The following OR5V1 variants were observed in gnomAD, a reference collection of about 807,000 sequenced individuals.
The protein encoded by OR5V1 is olfactory receptor 5V1.
For missense variants in OR5V1, 365 were observed against 371.5 expected, an observed-to-expected ratio of 0.98 and a Z score of 0.14; for synonymous variants, 134 against 143.2, an observed-to-expected ratio of 0.94 and a Z score of 0.46.
chr6:29,368,322 GTC>G (rs939773377), intron 1 of OR5V1, among the ~76,000 whole-genome samples: 8 of 152,114 alleles, frequency 5.3e-5, no homozygotes, highest in African/African-American at 1.9e-4. Flanking sequence ...TGGCATTTTA[GTC>G]TCTTTTTGCA....
chr6:29,366,131 C>T (rs1280091902), intron 1 of OR5V1, among the ~76,000 whole-genome samples: 1 of 151,916 alleles, frequency 6.6e-6, no homozygotes, highest in African/African-American at 2.4e-5. Context: ...AGGGAGGGAA[C>T]CTCACACACT....
At chr6:29,356,356 C>T (rs1373061235) in intron 1 of OR5V1, 79 bp from the exon 2 acceptor site, 2 of 717,108 alleles carry the variant, frequency 2.8e-6, no homozygotes, top group Non-Finnish European at 4.4e-6. Context: ...CATTCTTTTG[C>T]AAACCATAGC....
chr6:29,356,677 A>G lies in OR5V1; in HGVS notation c.-82-400T>C, dbSNP rs141081159. Among the ~76,000 whole-genome samples, 278 of 152,332 alleles carry G rather than the reference A, an allele frequency of 1.8e-3. 1 individual carries two copies. The highest frequency in any genetic ancestry group is 2.4e-3 in the Non-Finnish European group (163 of 68,034). On this transcript the variant is annotated intron_variant, in intron 1 of 1. Coordinates refer to ENST00000641768, the MANE Select transcript of OR5V1 (RefSeq NM_030876.6). ...TGTTTTATATTCTTTTCCGATTAAA[A>G]TTAATGTATTTGTTTTAGAATATTT... is the stretch of plus-strand genomic sequence containing the variant.
In OR5V1 at chr6:29,355,020, A is replaced by C; in HGVS notation, c.*210T>G. 4.8e-6 allele frequency: 2 copies of C among 417,818 alleles called. 1 individual carries two copies. Among genetic ancestry groups the C allele is most frequent in the Non-Finnish European group, 8.2e-6 (2 of 242,888 alleles). 25.9% of individuals were successfully genotyped at this position (417,818 alleles called of 1,614,324 possible). ...TTTGAATGCAAAATTCAGGAATGGA[A>C]AAATAAATAAGAAGATAATATCTAA... On this transcript the variant is annotated 3_prime_UTR_variant, in exon 2 of 2. Coordinates refer to ENST00000641768, the MANE Select transcript of OR5V1 (RefSeq NM_030876.6).
In OR5V1 at chr6:29,355,414, C is replaced by T. The variant is rs772202001; in HGVS notation, c.782G>A (p.Arg261Gln). The change falls in exon 2 of 2, where the codon CGG becomes CAG. Residue 261 changes from arginine (R) to glutamine (Q), a missense_variant. Physicochemically the swap from Arg to Gln is conservative, Grantham distance 43. Coordinates refer to ENST00000641768, the MANE Select transcript of OR5V1 (RefSeq NM_030876.6). ...FYGSAIFTYV[R>Q]PISTYSLKKD... ...CTTTAATGAGTAAGTTGAGATGGGC[C>T]GTACATATGTAAAGATGGCGCTGCC... 10 of 1,613,752 alleles carry T rather than the reference C, an allele frequency of 6.2e-6. No homozygotes were observed. Among genetic ancestry groups the T allele is most frequent in the South Asian group, 2.2e-5 (2 of 91,066 alleles).
At chr6:29,359,530 G>A (rs1778468041) in intron 1 of OR5V1, among the ~76,000 whole-genome samples, 1 of 152,194 alleles carries the variant, frequency 6.6e-6, no homozygotes, top group Non-Finnish European at 1.5e-5. Flanking sequence ...CAAGATGGCT[G>A]AATAGGAACA....
intron 1 of OR5V1, among the ~76,000 whole-genome samples, chr6:29,359,854 TG>T (rs1306034025): frequency 6.6e-6 from 1 of 152,178 alleles, no homozygotes; most frequent in Non-Finnish European, 1.5e-5. Flanking sequence ...GGTGGCTGTT[TG>T]GGCAGACACT....
intron 1 of OR5V1, among the ~76,000 whole-genome samples, chr6:29,362,792 T>C (rs1778632424): frequency 6.6e-6 from 1 of 152,124 alleles, no homozygotes; most frequent in African/African-American, 2.4e-5. Flanking sequence ...GGGACACAGC[T>C]AGAGCAGTGT....
rs549185227 is a variant in OR5V1 at position 29,357,501 on chromosome 6, G to A, written c.-82-1224C>T. ...TTCTCTTGTTTTGAATATAACCTACGTTCATACAACTGAATTATTTTAACT... is the reference window on the plus strand; with the variant it reads ...TTCTCTTGTTTTGAATATAACCTACATTCATACAACTGAATTATTTTAACT... On this transcript the variant is annotated intron_variant, in intron 1 of 1. Coordinates refer to ENST00000641768, the MANE Select transcript of OR5V1 (RefSeq NM_030876.6). Among the ~76,000 whole-genome samples, 120 of 152,180 alleles carry A rather than the reference G, an allele frequency of 7.9e-4. 1 individual carries two copies. Among genetic ancestry groups the A allele is most frequent in the Non-Finnish European group, 4.1e-4 (28 of 67,964 alleles).
chr6:29,363,097 T>TA (rs199699173), intron 1 of OR5V1, among the ~76,000 whole-genome samples: 1,608 of 151,956 alleles, frequency 0.011, 17 homozygotes, highest in African/African-American at 0.032. Context: ...ATAGACACAA[T>TA]AAAAAATGGT....
At chr6:29,365,495 A>G (rs1778807625) in intron 1 of OR5V1, among the ~76,000 whole-genome samples, 1 of 152,236 alleles carries the variant, frequency 6.6e-6, no homozygotes, top group Non-Finnish European at 1.5e-5. Context: ...TGGGTGATGG[A>G]TATGAACAGA....
Position 29,355,220 on chromosome 6 carries a change from C to A in OR5V1, c.*10G>T, listed in dbSNP as rs1222299329. On this transcript the variant is annotated 3_prime_UTR_variant, in exon 2 of 2. Coordinates refer to ENST00000641768, the MANE Select transcript of OR5V1 (RefSeq NM_030876.6). ...AATTTTGTAGTATAAGATTATTGAA[C>A]CTGTGAGGTTCAATAAGTGAGTTTA... The A allele has an allele frequency of 1.9e-6, 3 of 1,559,404 alleles. No individual in the cohort carries two copies. The highest frequency in any genetic ancestry group is 1.7e-4 in the Middle Eastern group (1 of 5,734).
intron 1 of OR5V1, among the ~76,000 whole-genome samples, chr6:29,363,959 G>A (rs1426469655): frequency 6.6e-6 from 1 of 151,940 alleles, no homozygotes; most frequent in Non-Finnish European, 1.5e-5. Flanking sequence ...AATCAGGCAA[G>A]AGAAAGAAAT....
chr6:29,356,106 G>A lies in OR5V1; in HGVS notation c.90C>T (p.Ile30=), dbSNP rs1245397475. The A allele has an allele frequency of 6.2e-7, 1 of 1,613,520 alleles. No homozygotes were observed. Among genetic ancestry groups the A allele is most frequent in the African/African-American group, 1.3e-5 (1 of 74,880 alleles). The change falls in exon 2 of 2, where the codon ATC becomes ATT. Residue 30 remains isoleucine, a synonymous_variant. Coordinates refer to ENST00000641768, the MANE Select transcript of OR5V1 (RefSeq NM_030876.6). ...LNELQFLLFT[I]FFLTYFCTLG... ...AAGTACAGAAATAAGTCAGAAAGAA[G>A]ATGGTGAATAGTAAAAACTGCAATT... is the stretch of plus-strand genomic sequence containing the variant.
At chr6:29,363,129 C>T (rs1018703471) in intron 1 of OR5V1, among the ~76,000 whole-genome samples, 27 of 152,104 alleles carry the variant, frequency 1.8e-4, no homozygotes, top group Admixed American at 2.6e-4. Context: ...CACCACTGAT[C>T]CCACAGTAAT....
At chr6:29,366,055 C>A (rs1425166543) in intron 1 of OR5V1, among the ~76,000 whole-genome samples, 1 of 152,042 alleles carries the variant, frequency 6.6e-6, no homozygotes, top group Non-Finnish European at 1.5e-5. Flanking sequence ...ATCACAGGAA[C>A]AGAAAACCAG....
At chr6:29,366,253 T>G (rs562042817) in intron 1 of OR5V1, among the ~76,000 whole-genome samples, 1 of 147,368 alleles carries the variant, frequency 6.8e-6, no homozygotes, top group Admixed American at 7.0e-5. Flanking sequence ...CAAACCACCA[T>G]GGCACATGTA....
intron 1 of OR5V1, among the ~76,000 whole-genome samples, chr6:29,363,774 A>G (rs1040050364): frequency 3.4e-5 from 5 of 146,692 alleles, no homozygotes; most frequent in African/African-American, 1.2e-4. Context: ...CTCTCAATAA[A>G]CTAAATATTG....
Position 29,355,327 on chromosome 6 carries a change from T to G in OR5V1, c.869A>C (p.Tyr290Ser). The G allele has an allele frequency of 6.2e-7, 1 of 1,613,962 alleles. No homozygotes were observed. Among genetic ancestry groups the G allele is most frequent in the South Asian group, 1.1e-5 (1 of 91,046 alleles). Reference sequence around the variant, plus strand: ...TTTGATGTCCTTATTCCTCAATGTGTAAATTATAGGGTTTAGCATGGGGGT... The same window carrying G: ...TTTGATGTCCTTATTCCTCAATGTGGAAATTATAGGGTTTAGCATGGGGGT... ...VVTPMLNPII[Y>S]TLRNKDIKEA... is the part of the protein sequence containing the mutation. Residue 290 changes from tyrosine to serine, a missense_variant, in exon 2 of 2, where the codon TAC becomes TCC. Physicochemically the swap from Tyr to Ser is moderately radical, Grantham distance 144 (BLOSUM62 -2). Coordinates refer to ENST00000641768, the MANE Select transcript of OR5V1 (RefSeq NM_030876.6).
Sources: allele counts gnomAD v4.1 joint callset (sites outside exome capture counted in the v4.1 genomes callset), GRCh38; gene constraint gnomAD v4.1.1; transcripts MANE v1.5; gene names NCBI Gene and HGNC (gene_info 2026-07-23, HGNC 2026-07-21).